The following CNTN5 variants were observed in gnomAD, a reference collection of about 807,000 sequenced individuals.
CNTN5 encodes contactin-5.
In CNTN5, 77 loss-of-function variants were observed where a neutral mutation model predicts 129.1. The observed-to-expected ratio is 0.60, with a 90% CI of 0.50 to 0.72. The LOEUF (loss-of-function observed/expected upper bound fraction) is 0.72. CNTN5 is among the 30% of genes least tolerant of loss of function. The pLI, the probability that CNTN5 is intolerant of heterozygous loss-of-function variation, is 0.00. For missense variants in CNTN5, 1,478 were observed against 1,328.8 expected (o/e 1.11, Z -1.75); for synonymous variants, 509 against 465.6 (o/e 1.09, Z -1.20).
intron 2 of CNTN5, among the ~76,000 whole-genome samples, chr11:99,474,305 A>G (rs1207971847): frequency 6.6e-6 from 1 of 152,050 alleles, no homozygotes; most frequent in Non-Finnish European, 1.5e-5. Context: ...TCCTAAAACC[A>G]TCAAAAAAAT....
At chr11:100,136,704 C>CTATG (rs968097815) in intron 13 of CNTN5, among the ~76,000 whole-genome samples, 2 of 151,376 alleles carry the variant, frequency 1.3e-5, no homozygotes, top group African/African-American at 4.9e-5. Flanking sequence ...CTTAAACAAA[C>CTATG]TATGTGTATG....
chr11:100,294,854 C>T (rs1473136282), intron 18 of CNTN5, among the ~76,000 whole-genome samples: 1 of 151,508 alleles, frequency 6.6e-6, no homozygotes, highest in African/African-American at 2.4e-5. Context: ...TGGACTCCAT[C>T]AGTGCAGAGA....
intron 2 of CNTN5, among the ~76,000 whole-genome samples, chr11:99,399,783 G>T (rs1284617117): frequency 6.6e-6 from 1 of 151,410 alleles, no homozygotes; most frequent in Non-Finnish European, 1.5e-5. Flanking sequence ...GATTCTCTCA[G>T]ATATTTGTTA....
At chr11:99,866,793 T>C (rs919475067) in intron 6 of CNTN5, among the ~76,000 whole-genome samples, 18 of 152,214 alleles carry the variant, frequency 1.2e-4, no homozygotes, top group African/African-American at 4.3e-4. Context: ...CAGACTACAT[T>C]TCAGCACCTT....
rs1220064349 is a variant in CNTN5, at chr11:99,842,952, C to T, written c.278-1900C>T. 5.9e-5 allele frequency among the ~76,000 whole-genome samples: 9 copies of T among 152,210 alleles called. No homozygotes were observed. In the East Asian group the frequency reaches 1.5e-3, roughly 26 times the overall value. ...TAGCTCAAAAAAAGTGCAGCTAGGC[C>T]AGTCGAGGTGGTTCACTTCTGCATT... On this transcript the variant is annotated intron_variant, in intron 4 of 24. Coordinates refer to ENST00000524871, the MANE Select transcript of CNTN5 (RefSeq NM_014361.4).
At chr11:99,773,668 ATAATAG>A (rs1460808663) in intron 3 of CNTN5, among the ~76,000 whole-genome samples, 26 of 151,778 alleles carry the variant, frequency 1.7e-4, no homozygotes, top group African/African-American at 6.3e-4. Context: ...TTTTAAAGTG[ATAATAG>A]TAATATTATA....
intron 13 of CNTN5, among the ~76,000 whole-genome samples, chr11:100,109,490 G>C (rs1008207145): frequency 6.6e-6 from 1 of 152,106 alleles, no homozygotes; most frequent in African/African-American, 2.4e-5. Flanking sequence ...TAGTATTTCA[G>C]GCATTCCTGA....
intron 13 of CNTN5, among the ~76,000 whole-genome samples, chr11:100,150,449 GA>G (rs1408932630): frequency 6.6e-6 from 1 of 151,698 alleles, no homozygotes; most frequent in Admixed American, 6.6e-5. Context: ...ATTTTTGAAA[GA>G]ATTTTATTTT....
chr11:99,914,473 T>A (rs73551356), intron 6 of CNTN5, among the ~76,000 whole-genome samples: 14,873 of 152,088 alleles, frequency 0.098, 1,594 homozygotes, highest in African/African-American at 0.27. Flanking sequence ...CTCATACATA[T>A]GAAATTCAAA....
chr11:99,812,104 C>T (rs914986718), intron 3 of CNTN5, among the ~76,000 whole-genome samples: 2 of 152,076 alleles, frequency 1.3e-5, no homozygotes, highest in Non-Finnish European at 2.9e-5. Flanking sequence ...CTGAGTTCTT[C>T]CTTTCAAACC....
chr11:100,330,804 G>A (rs543834420), intron 21 of CNTN5, among the ~76,000 whole-genome samples: 12 of 152,150 alleles, frequency 7.9e-5, no homozygotes, highest in South Asian at 4.2e-4. Context: ...CCAAGCCAGC[G>A]CTACAAGAAC....
intron 1 of CNTN5, among the ~76,000 whole-genome samples, chr11:99,122,747 C>G (rs1858410210): frequency 6.6e-6 from 1 of 152,072 alleles, no homozygotes; most frequent in African/African-American, 2.4e-5. Context: ...TTGTTCCCCT[C>G]TTTGTGTTCT....
chr11:100,102,045 C>G (rs193245744), intron 13 of CNTN5, among the ~76,000 whole-genome samples: 1 of 152,236 alleles, frequency 6.6e-6, no homozygotes, highest in East Asian at 1.9e-4. Flanking sequence ...CATGAATGTG[C>G]ATGTCTTTTA....
chr11:99,947,044 A>C (rs1285744213), intron 7 of CNTN5, among the ~76,000 whole-genome samples: 3 of 151,630 alleles, frequency 2.0e-5, no homozygotes, highest in Non-Finnish European at 4.4e-5. Flanking sequence ...TTTACATTAT[A>C]AATGTGATTA....
At chr11:100,154,170 T>C (rs1414716461) in intron 13 of CNTN5, among the ~76,000 whole-genome samples, 1 of 152,068 alleles carries the variant, frequency 6.6e-6, no homozygotes, top group Non-Finnish European at 1.5e-5. Context: ...GTGTTCTCAT[T>C]GTTTACTGCC....
intron 7 of CNTN5, among the ~76,000 whole-genome samples, chr11:99,953,949 T>C (rs1950736851): frequency 6.6e-6 from 1 of 152,200 alleles, no homozygotes; most frequent in Non-Finnish European, 1.5e-5. Context: ...GCCTAGATTT[T>C]CTTCTAGGGT....
intron 3 of CNTN5, among the ~76,000 whole-genome samples, chr11:99,632,876 T>A (rs2135808710): frequency 6.6e-6 from 1 of 152,004 alleles, no homozygotes; most frequent in African/African-American, 2.4e-5. Context: ...TGTCCTTAAT[T>A]ACTTAAGGTA....
chr11:100,001,899 T>G, intron 8 of CNTN5, 135 bp from the exon 9 acceptor site: 1 of 641,592 alleles, frequency 1.6e-6, no homozygotes, highest in Non-Finnish European at 2.7e-6. Flanking sequence ...CTTATTTCAA[T>G]ACATCGAAAA....
intron 1 of CNTN5, among the ~76,000 whole-genome samples, chr11:99,154,350 C>A (rs1860229117): frequency 1.3e-5 from 2 of 152,308 alleles, no homozygotes; most frequent in South Asian, 4.1e-4. Context: ...GGCTGCTGGC[C>A]TCCATGCATG....
Sources: allele counts gnomAD v4.1 joint callset (sites outside exome capture counted in the v4.1 genomes callset), GRCh38; gene constraint gnomAD v4.1.1; transcripts MANE v1.5; gene names NCBI Gene and HGNC (gene_info 2026-07-23, HGNC 2026-07-21).